The following LPAR6 variants were observed in gnomAD, a reference collection of about 807,000 sequenced individuals.
LPAR6 encodes the protein lysophosphatidic acid receptor 6.
In LPAR6, 17 loss-of-function variants were observed where a neutral mutation model predicts 22.0. That is an observed-to-expected ratio of 0.77 (90% CI 0.53 to 1.16). The LOEUF (loss-of-function observed/expected upper bound fraction) is 1.16, where lower values mean the gene tolerates loss of function less well. Among genes scored for constraint, LPAR6 ranks in the 50% most tolerant of loss-of-function variants. LPAR6 has a pLI of 0.00. For synonymous variants in LPAR6, 136 were observed against 139.8 expected, an observed-to-expected ratio of 0.97 and a Z score of 0.19; for missense variants, 384 against 406.9, an observed-to-expected ratio of 0.94 and a Z score of 0.48.
At chr13:48,414,218 G>A (rs980586193), upstream of LPAR6, among the ~76,000 whole-genome samples, 6 of 151,948 alleles carry the variant, frequency 3.9e-5, no homozygotes, top group South Asian at 2.1e-4. Context: ...GCAATAGTGC[G>A]TGCCTGTAGT....
At chr13:48,409,850 A>T (rs1206010787), downstream of LPAR6, among the ~76,000 whole-genome samples, 1 of 152,120 alleles carries the variant, frequency 6.6e-6, no homozygotes, top group Non-Finnish European at 1.5e-5. Flanking sequence ...AAGTGCTAGG[A>T]TTACAGGTGT....
At chr13:48,415,480 A>G (rs940794393), upstream of LPAR6, among the ~76,000 whole-genome samples, 1 of 151,932 alleles carries the variant, frequency 6.6e-6, no homozygotes, top group Admixed American at 6.6e-5. Context: ...GGGTTTTACC[A>G]TGTGGCCAGG....
intron 1 of LPAR6, among the ~76,000 whole-genome samples, chr13:48,438,645 C>T (rs1290007358): frequency 6.6e-6 from 1 of 152,050 alleles, no homozygotes; most frequent in Non-Finnish European, 1.5e-5. Context: ...GTCCTGGATC[C>T]ACCACTTATT....
chr13:48,393,425 A>G (rs1948625544), intron 1 of LPAR6, among the ~76,000 whole-genome samples: 1 of 152,190 alleles, frequency 6.6e-6, no homozygotes, highest in African/African-American at 2.4e-5. Context: ...TGTGGCAATA[A>G]TGAGGCTCAC....
intron 1 of LPAR6, among the ~76,000 whole-genome samples, chr13:48,424,792 C>G (rs1021055746): frequency 6.6e-6 from 1 of 152,172 alleles, no homozygotes; most frequent in African/African-American, 2.4e-5. Flanking sequence ...GTGGCTCATG[C>G]ATGTAATCCT....
At chr13:48,419,268 AC>A (rs1406562538) in intron 2 of LPAR6, among the ~76,000 whole-genome samples, 1 of 152,196 alleles carries the variant, frequency 6.6e-6, no homozygotes, top group Non-Finnish European at 1.5e-5. Flanking sequence ...AAACTGAACA[AC>A]CTGTTCCTGA....
At chr13:48,435,091 A>G (rs1213590223) in intron 1 of LPAR6, among the ~76,000 whole-genome samples, 1 of 152,178 alleles carries the variant, frequency 6.6e-6, no homozygotes, top group Non-Finnish European at 1.5e-5. Flanking sequence ...GTAAAATTGA[A>G]GAGTTGTATG....
intron 1 of LPAR6, among the ~76,000 whole-genome samples, chr13:48,433,283 T>C (rs943394899): frequency 6.6e-6 from 1 of 152,200 alleles, no homozygotes; most frequent in African/African-American, 2.4e-5. Flanking sequence ...ATATAGAACA[T>C]AGGAAAATGT....
downstream of LPAR6, among the ~76,000 whole-genome samples, chr13:48,409,856 G>C (rs1227944004): frequency 6.6e-6 from 1 of 151,906 alleles, no homozygotes; most frequent in Non-Finnish European, 1.5e-5. Context: ...TAGGATTACA[G>C]GTGTGAACCA....
intron 1 of LPAR6, among the ~76,000 whole-genome samples, chr13:48,398,885 T>A (rs1456683206): frequency 6.6e-6 from 1 of 152,134 alleles, no homozygotes; most frequent in East Asian, 1.9e-4. Context: ...GCCTAGGAGC[T>A]AATAAGTAAC....
At position 48,412,109 on chromosome 13, in the gene LPAR6, C is replaced by A; in HGVS notation, c.315G>T (p.Leu105=). ...LFYTNMYGSI[L]FLTCISVDRF... ...GATCTACACTAATACAGGTTAAGAA[C>A]AGAATGCTTCCGTACATGTTGGTAT... The change falls in exon 1 of 1, where the codon CTG becomes CTT. Residue 105 remains leucine (L), a synonymous_variant. Transcript: ENST00000620633. 6 of 1,613,370 alleles carry A rather than the reference C, an allele frequency of 3.7e-6. No individual in the cohort carries two copies. The highest frequency in any genetic ancestry group is 5.1e-6 in the Non-Finnish European group (6 of 1,179,712).
In LPAR6 at chr13:48,411,634, A is replaced by G. The variant is rs778739716; in HGVS notation, c.790T>C (p.Ser264Pro). 4.3e-6 allele frequency: 7 copies of G among 1,611,964 alleles called. No individual in the cohort carries two copies. Among genetic ancestry groups the G allele is most frequent in the South Asian group, 3.3e-5 (3 of 91,044 alleles). ...ATTGTCCTTACTGCTGCCACTACTG[A>G]GCAATTAACAAATGTTTGTGTTCTC... ...LVRTQTFVNC[S>P]VVAAVRTMYP... Residue 264 changes from serine (S) to proline (P), a missense_variant, in exon 1 of 1, where the codon TCA (serine) becomes CCA (proline). Coordinates refer to ENST00000620633, the MANE Select transcript of LPAR6 (RefSeq NM_001162498.3).
intron 1 of LPAR6, chr13:48,401,219 T>C (rs1041956667): frequency 1.5e-4 from 23 of 152,298 alleles, no homozygotes; most frequent in African/African-American, 5.3e-4. Context: ...TATACTCTTA[T>C]TCAGAGAATT....
At chr13:48,435,907 T>C (rs1447142028) in intron 1 of LPAR6, among the ~76,000 whole-genome samples, 1 of 152,192 alleles carries the variant, frequency 6.6e-6, no homozygotes, top group Non-Finnish European at 1.5e-5. Context: ...ACTAATTATA[T>C]TAATAATTGC....
upstream of LPAR6, among the ~76,000 whole-genome samples, chr13:48,414,460 CACA>C (rs1297997181): frequency 2.0e-5 from 3 of 151,442 alleles, no homozygotes; most frequent in East Asian, 5.8e-4. Flanking sequence ...TTGAGGATAT[CACA>C]ACCTCTATGG....
chr13:48,396,743 A>G (rs562206587), intron 1 of LPAR6, among the ~76,000 whole-genome samples: 54 of 152,254 alleles, frequency 3.5e-4, no homozygotes, highest in Non-Finnish European at 6.9e-4. Context: ...TTTGCAATGT[A>G]TCCATCTGAC....
At chr13:48,422,419 A>G (rs1299679656) in intron 2 of LPAR6, among the ~76,000 whole-genome samples, 2 of 152,144 alleles carry the variant, frequency 1.3e-5, no homozygotes, top group African/African-American at 4.8e-5. Context: ...AACATAGATG[A>G]TGGGTTGATG....
At chr13:48,429,123 G>A (rs898529571), upstream of LPAR6, 1 of 152,176 alleles carries the variant, frequency 6.6e-6, no homozygotes, top group Non-Finnish European at 1.5e-5. Context: ...TTATTGTAAT[G>A]TTATAAAATG....
At chr13:48,408,226 T>C (rs1948757122), downstream of LPAR6, among the ~76,000 whole-genome samples, 1 of 151,972 alleles carries the variant, frequency 6.6e-6, no homozygotes, top group South Asian at 2.1e-4. Flanking sequence ...GATAGCTCCT[T>C]AAGTAGTGTC....
Sources: gnomAD v4.1 joint callset for allele counts (sites outside exome capture counted in the v4.1 genomes callset) on GRCh38, gnomAD v4.1.1 for gene constraint, MANE v1.5 for transcripts, NCBI Gene and HGNC (gene_info 2026-07-23, HGNC 2026-07-21) for gene names.